SOD1: variants seen among roughly 807,000 people sequenced by gnomAD.
The protein encoded by SOD1 is superoxide dismutase [Cu-Zn].
SOD1 carries 8 observed loss-of-function variants against 15.9 expected under a neutral mutation model. The observed-to-expected ratio is 0.50, with a 90% CI of 0.30 to 0.91. SOD1 has a LOEUF of 0.91. SOD1 is among the 40% of genes least tolerant of loss of function. The pLI, the probability that SOD1 is intolerant of heterozygous loss-of-function variation, is 0.07. For synonymous variants in SOD1, 86 were observed against 71.2 expected (o/e 1.21, Z -1.04); for missense variants, 137 against 194.5 (o/e 0.70, Z 1.76).
intron 2 of SOD1, chr21:31,664,242 G>T (rs770176708): frequency 3.6e-5 from 11 of 306,686 alleles, no homozygotes; most frequent in Non-Finnish European, 1.3e-5. Context: ...CAAAGTGCTG[G>T]GATTACATGT....
chr21:31,665,854 A>G (rs568129756), intron 2 of SOD1, among the ~76,000 whole-genome samples: 21 of 152,296 alleles, frequency 1.4e-4, no homozygotes, highest in Admixed American at 1.0e-3. Flanking sequence ...TGGGATTTTA[A>G]TAATAGAAAA....
At chr21:31,666,348 C>A in intron 2 of SOD1, 101 bp from the exon 3 acceptor site, 1 of 843,906 alleles carries the variant, frequency 1.2e-6, no homozygotes, top group Non-Finnish European at 1.9e-6. Flanking sequence ...TGATGCAGGT[C>A]AGCACTTTCT....
chr21:31,667,178 CAAGTT>C (rs1196128555), intron 3 of SOD1, 75 bp from the exon 4 acceptor site: 3 of 1,123,288 alleles, frequency 2.7e-6, no homozygotes, highest in Non-Finnish European at 4.0e-6. Flanking sequence ...TCTACTCAGT[CAAGTT>C]TTAATTTAGC....
chr21:31,662,033 G>A (rs969800539), intron 1 of SOD1, among the ~76,000 whole-genome samples: 6 of 152,184 alleles, frequency 3.9e-5, no homozygotes, highest in Non-Finnish European at 8.8e-5. Context: ...ATTAGCCCAG[G>A]ACAGTACTGC....
Position 31,659,815 on chromosome 21 carries a change from C to G in SOD1, c.46C>G (p.Gln16Glu), listed in dbSNP as rs2049531483. The G allele has an allele frequency of 6.2e-7, 1 of 1,613,682 alleles. No homozygotes were observed. Among genetic ancestry groups the G allele is most frequent in the South Asian group, 1.1e-5 (1 of 91,092 alleles). Residue 16 changes from glutamine (Q) to glutamate (E), a missense_variant, in exon 1 of 5, where the codon CAG (glutamine) becomes GAG (glutamate). By Grantham distance (29) the Gln-to-Glu change is conservative (BLOSUM62 2). Coordinates refer to ENST00000270142, the MANE Select transcript of SOD1 (RefSeq NM_000454.5). ...VCVLKGDGPV[Q>E]GIINFEQKES... Reference sequence around the variant, plus strand: ...CGTGCTGAAGGGCGACGGCCCAGTGCAGGGCATCATCAATTTCGAGCAGAA... The same window carrying G: ...CGTGCTGAAGGGCGACGGCCCAGTGGAGGGCATCATCAATTTCGAGCAGAA...
intron 1 of SOD1, among the ~76,000 whole-genome samples, chr21:31,662,963 C>G (rs1231599792): frequency 1.4e-5 from 2 of 141,988 alleles, no homozygotes; most frequent in Non-Finnish European, 1.5e-5. Flanking sequence ...TGCAGTGAGC[C>G]GAGATCATGT....
At chr21:31,664,681 C>T (rs1209807597) in intron 2 of SOD1, among the ~76,000 whole-genome samples, 1 of 151,976 alleles carries the variant, frequency 6.6e-6, no homozygotes, top group African/African-American at 2.4e-5. Flanking sequence ...TGCAGTGGCG[C>T]GATCTCGGCT....
At chr21:31,667,843 G>A (rs1041304889) in intron 4 of SOD1, among the ~76,000 whole-genome samples, 1 of 152,166 alleles carries the variant, frequency 6.6e-6, no homozygotes, top group Non-Finnish European at 1.5e-5. Flanking sequence ...TCTGGTTCTT[G>A]CAAAACACCA....
intron 2 of SOD1, 133 bp downstream of exon 2, chr21:31,664,019 T>C (rs1188459605): frequency 1.5e-6 from 1 of 688,552 alleles, no homozygotes; most frequent in Non-Finnish European, 2.6e-6. Context: ...TCGCTCAGGC[T>C]GGAGTGCAGT....
chr21:31,659,697 C>G lies in SOD1; in HGVS notation c.-73C>G. 6.7e-7 allele frequency: 1 copy of G among 1,500,306 alleles called. No homozygotes were observed. Among genetic ancestry groups the G allele is most frequent in the Non-Finnish European group, 9.3e-7 (1 of 1,078,172 alleles). The allele number at this position is 1,500,306 out of a possible 1,614,324, so 92.9% of individuals were successfully genotyped here. A position where few individuals can be genotyped will look rare whatever the true frequency, so the allele number is the denominator to read the frequency against. ...GCGGAGACGGGGTGCTGGTTTGCGT[C>G]GTAGTCTCCTGCAGCGTCTGGGGTT... On this transcript the variant is annotated 5_prime_UTR_variant, in exon 1 of 5. Coordinates refer to ENST00000270142, the MANE Select transcript of SOD1 (RefSeq NM_000454.5).
intron 1 of SOD1, among the ~76,000 whole-genome samples, chr21:31,662,249 T>G (rs2049554396): frequency 6.6e-6 from 1 of 152,046 alleles, no homozygotes; most frequent in Non-Finnish European, 1.5e-5. Context: ...CACATTTGAG[T>G]TTTTCCAAAA....
At chr21:31,660,814 TAGA>T (rs2049542631) in intron 1 of SOD1, 1 of 152,220 alleles carries the variant, frequency 6.6e-6, no homozygotes, top group Non-Finnish European at 1.5e-5. Context: ...ATTTGGAAAT[TAGA>T]AGACCTGGAG....
intron 1 of SOD1, chr21:31,661,651 C>G (rs997140925): frequency 6.6e-6 from 1 of 152,536 alleles, no homozygotes; most frequent in Non-Finnish European, 1.5e-5. Context: ...CGTGAGCCAC[C>G]CCGCCCGGCC....
At chr21:31,664,224 C>T (rs575748552) in intron 2 of SOD1, 6 of 328,166 alleles carry the variant, frequency 1.8e-5, no homozygotes, top group South Asian at 1.6e-4. Flanking sequence ...CTATCCTCCT[C>T]GACCTCCCAA....
At position 31,668,462 on chromosome 21, in the gene SOD1, T is replaced by A; in HGVS notation, c.358-9T>A. On this transcript the variant is annotated splice_polypyrimidine_tract_variant and intron_variant, in intron 4 of 4. Coordinates refer to ENST00000270142, the MANE Select transcript of SOD1 (RefSeq NM_000454.5). ...CAGCCCAAAGTTATCTTCTTAAAAT[T>A]TTTTACAGGTCCATGAAAAAGCAGA... 1 of 1,611,030 alleles carries A rather than the reference T, an allele frequency of 6.2e-7. No individual in the cohort carries two copies. Among genetic ancestry groups the A allele is most frequent in the Non-Finnish European group, 8.5e-7 (1 of 1,177,212 alleles).
chr21:31,663,968 C>T (rs919188438), intron 2 of SOD1, 82 bp downstream of exon 2: 3 of 1,065,910 alleles, frequency 2.8e-6, no homozygotes, highest in South Asian at 2.5e-5. Flanking sequence ...ACGTTAAAAC[C>T]CCTCAACTTG....
intron 2 of SOD1, among the ~76,000 whole-genome samples, chr21:31,665,452 G>A (rs955432417): frequency 6.6e-6 from 1 of 152,090 alleles, no homozygotes; most frequent in Non-Finnish European, 1.5e-5. Flanking sequence ...AAATTCCCCC[G>A]AGTTGCTTTT....
chr21:31,661,337 T>A (rs181284782), intron 1 of SOD1, among the ~76,000 whole-genome samples: 4 of 152,294 alleles, frequency 2.6e-5, no homozygotes, highest in Admixed American at 2.0e-4. Context: ...TTTGTCCCTC[T>A]TTACTTCTCC....
chr21:31,668,563 T>C lies in SOD1; in HGVS notation c.450T>C (p.Ile150=). 1 of 1,613,466 alleles carries C rather than the reference T, an allele frequency of 6.2e-7. No individual in the cohort carries two copies. The highest frequency in any genetic ancestry group is 1.3e-5 in the African/African-American group (1 of 75,018). The change falls in exon 5 of 5, where the codon ATT becomes ATC. Residue 150 remains isoleucine (I), a synonymous_variant. Coordinates refer to ENST00000270142, the MANE Select transcript of SOD1 (RefSeq NM_000454.5). ...GAAGTCGTTTGGCTTGTGGTGTAAT[T>C]GGGATCGCCCAATAAACATTCCCTT... ...NAGSRLACGV[I]GIAQ
Sources: gnomAD v4.1 joint callset for allele counts (sites outside exome capture counted in the v4.1 genomes callset) on GRCh38, gnomAD v4.1.1 for gene constraint, MANE v1.5 for transcripts, NCBI Gene and HGNC (gene_info 2026-07-23, HGNC 2026-07-21) for gene names.